BAZ2B: variants seen among roughly 807,000 people sequenced by gnomAD.
BAZ2B encodes bromodomain adjacent to zinc finger domain protein 2B.
A neutral mutation model predicts 246.0 loss-of-function variants in BAZ2B; 91 were observed. The observed-to-expected ratio is 0.37, with a 90% CI of 0.31 to 0.44. The LOEUF (loss-of-function observed/expected upper bound fraction) is 0.44, where lower values mean the gene tolerates loss of function less well. Among genes scored for constraint, BAZ2B ranks in the 20% least tolerant of loss-of-function variants. The pLI, the probability that BAZ2B is intolerant of heterozygous loss-of-function variation, is 1.00. For missense variants in BAZ2B, 2,332 were observed against 2,533.7 expected (o/e 0.92, Z 1.71); for synonymous variants, 855 against 860.0 (o/e 0.99, Z 0.10).
At chr2:159,378,417 C>T (rs1341098187) in intron 25 of BAZ2B, among the ~76,000 whole-genome samples, 1 of 152,020 alleles carries the variant, frequency 6.6e-6, no homozygotes, top group East Asian at 1.9e-4. Flanking sequence ...TTGAATATGA[C>T]ATGAAAAACA....
the BAZ2B span, among the ~76,000 whole-genome samples, chr2:159,629,577 G>T: frequency 6.6e-6 from 1 of 151,376 alleles, no homozygotes; most frequent in Admixed American, 6.6e-5. Context: ...CACAAGAACA[G>T]AAAAGCAAAC....
intron 27 of BAZ2B, among the ~76,000 whole-genome samples, chr2:159,369,856 T>A (rs2060627744): frequency 1.3e-5 from 2 of 152,176 alleles, no homozygotes; most frequent in African/African-American, 2.4e-5. Context: ...TATAGCAGCA[T>A]GATTTATATT....
intron 2 of BAZ2B, among the ~76,000 whole-genome samples, chr2:159,519,476 C>T (rs1343443552): frequency 2.0e-4 from 29 of 148,652 alleles, no homozygotes; most frequent in Admixed American, 1.3e-4. Context: ...ATGATCCACC[C>T]GCCTCGGCCT....
At chr2:159,419,879 G>A (rs1212071865) in intron 13 of BAZ2B, 1 of 152,198 alleles carries the variant, frequency 6.6e-6, no homozygotes, top group South Asian at 2.1e-4. Context: ...GTTGCATTAG[G>A]TGTGACAGTT....
chr2:159,682,379 A>G, the BAZ2B span, among the ~76,000 whole-genome samples: 1 of 151,584 alleles, frequency 6.6e-6, no homozygotes, highest in African/African-American at 2.4e-5. Flanking sequence ...GTATCTCACT[A>G]TATTGTCCAG....
At chr2:159,459,291 A>T (rs1033023012) in intron 3 of BAZ2B, 1 of 152,234 alleles carries the variant, frequency 6.6e-6, no homozygotes, top group Non-Finnish European at 1.5e-5. Flanking sequence ...GCAACACTTC[A>T]TAATACCTGC....
At chr2:159,676,194 A>G in the BAZ2B span, among the ~76,000 whole-genome samples, 1 of 62,016 alleles carries the variant, frequency 1.6e-5, no homozygotes, top group South Asian at 7.0e-4. Context: ...CGCCTGGCCT[A>G]GGCTAATTTT....
chr2:159,528,877 T>A (rs991107390), intron 2 of BAZ2B, among the ~76,000 whole-genome samples: 2 of 149,320 alleles, frequency 1.3e-5, no homozygotes, highest in South Asian at 4.2e-4. Context: ...CATTAACACA[T>A]TTTAAAAGGC....
chr2:159,618,483 A>AAT (rs1460382960), upstream of BAZ2B, among the ~76,000 whole-genome samples: 1 of 152,146 alleles, frequency 6.6e-6, no homozygotes, highest in Non-Finnish European at 1.5e-5. Context: ...ATTTACTAAT[A>AAT]ATGTTCCAGA....
chr2:159,554,101 A>G (rs1042372914), intron 2 of BAZ2B, among the ~76,000 whole-genome samples: 3 of 152,202 alleles, frequency 2.0e-5, no homozygotes, highest in Non-Finnish European at 4.4e-5. Context: ...GAACCTCTCA[A>G]ATGAACACTT....
At chr2:159,429,315 A>G (rs2070636742) in intron 10 of BAZ2B, 55 bp from the exon 11 acceptor site, 5 of 1,070,534 alleles carry the variant, frequency 4.7e-6, no homozygotes, top group South Asian at 2.1e-5. Context: ...AAATAATAAT[A>G]TTGATAGTTT....
intron 27 of BAZ2B, among the ~76,000 whole-genome samples, chr2:159,370,463 C>T (rs1220749287): frequency 2.0e-5 from 3 of 146,856 alleles, no homozygotes; most frequent in African/African-American, 5.0e-5. Flanking sequence ...CTCCGTCTCC[C>T]GGGTTCATGC....
chr2:159,318,821 C>T (rs922063675), downstream of BAZ2B, among the ~76,000 whole-genome samples: 2 of 152,102 alleles, frequency 1.3e-5, no homozygotes, highest in Non-Finnish European at 2.9e-5. Context: ...AGAAGTTTGG[C>T]CACCTGACTT....
intron 2 of BAZ2B, among the ~76,000 whole-genome samples, chr2:159,545,246 A>C (rs1437568722): frequency 6.6e-6 from 1 of 152,122 alleles, no homozygotes; most frequent in Non-Finnish European, 1.5e-5. Context: ...AATCTGCTCT[A>C]ATATAAAAAA....
chr2:159,507,423 G>A (rs2082446797), intron 2 of BAZ2B, among the ~76,000 whole-genome samples: 2 of 152,138 alleles, frequency 1.3e-5, no homozygotes, highest in South Asian at 2.1e-4. Context: ...CAAGTTTTGG[G>A]TGAAAACTAA....
rs759516149 is a variant in BAZ2B at position 159,405,125 on chromosome 2, C to A, written c.2678-11G>T. On this transcript the variant is annotated splice_polypyrimidine_tract_variant and intron_variant, in intron 14 of 36. Coordinates refer to ENST00000392783, the MANE Select transcript of BAZ2B (RefSeq NM_013450.4). ...CTTGCCTGGCTATTTCTGAAAAACA[C>A]AAAATTTCAAAGAATATTAACAACT... The A allele has an allele frequency of 5.0e-6, 8 of 1,611,994 alleles. No individual in the cohort carries two copies. In the East Asian group the frequency reaches 1.8e-4, roughly 36 times the overall value.
intron 14 of BAZ2B, among the ~76,000 whole-genome samples, chr2:159,410,170 G>A (rs1362627377): frequency 6.6e-6 from 1 of 152,034 alleles, no homozygotes; most frequent in Non-Finnish European, 1.5e-5. Flanking sequence ...ATTCAGAAGG[G>A]TCAATAGCTT....
intron 2 of BAZ2B, among the ~76,000 whole-genome samples, chr2:159,495,788 G>A (rs1226922371): frequency 8.7e-6 from 1 of 115,136 alleles, no homozygotes; most frequent in Non-Finnish European, 1.9e-5. Context: ...TTTTTTTTTT[G>A]AGACAGAGTC....
the BAZ2B span, among the ~76,000 whole-genome samples, chr2:159,638,108 A>G: frequency 1.3e-5 from 2 of 152,212 alleles, no homozygotes; most frequent in Non-Finnish European, 1.5e-5. Context: ...GTCTGGAAGA[A>G]AGTAAGAAAA....
Sources: gnomAD v4.1 joint callset for allele counts (sites outside exome capture counted in the v4.1 genomes callset) on GRCh38, gnomAD v4.1.1 for gene constraint, MANE v1.5 for transcripts, NCBI Gene and HGNC (gene_info 2026-07-23, HGNC 2026-07-21) for gene names.